Variants in MSI2 observed in about 807,000 individuals in gnomAD.
The protein encoded by MSI2 is musashi RNA binding protein 2.
MSI2 carries 17 observed loss-of-function variants against 45.6 expected under a neutral mutation model. The observed-to-expected ratio is 0.37, with a 90% confidence interval of 0.26 to 0.56. The LOEUF is 0.56. Ranked by LOEUF, MSI2 falls within the 20% of genes least tolerant of loss-of-function variation. MSI2 has a pLI of 0.77. For synonymous variants in MSI2, 156 were observed against 158.2 expected (o/e 0.99, Z 0.11); for missense variants, 293 against 444.2 (o/e 0.66, Z 3.06).
intron 5 of MSI2, among the ~76,000 whole-genome samples, chr17:57,396,883 A>G (rs2083901007): frequency 6.6e-6 from 1 of 152,178 alleles, no homozygotes; most frequent in Non-Finnish European, 1.5e-5. Context: ...GCCTGCTGGG[A>G]GAGGGGGCTG....
intron 10 of MSI2, among the ~76,000 whole-genome samples, chr17:57,637,815 T>C (rs113469393): frequency 5.3e-5 from 8 of 152,314 alleles, no homozygotes; most frequent in African/African-American, 1.9e-4. Flanking sequence ...TATGGCAGGA[T>C]GGCAGCAGCT....
chr17:57,299,384 C>T (rs1911249804), intron 5 of MSI2, among the ~76,000 whole-genome samples: 1 of 152,200 alleles, frequency 6.6e-6, no homozygotes, highest in Non-Finnish European at 1.5e-5. Flanking sequence ...AAATGCCTTC[C>T]TCACTAAGCT....
intron 7 of MSI2, among the ~76,000 whole-genome samples, chr17:57,591,903 G>A (rs776632792): frequency 1.3e-5 from 2 of 151,768 alleles, no homozygotes; most frequent in African/African-American, 4.8e-5. Context: ...TACAATGGCC[G>A]AGCACATTGG....
chr17:57,273,397 G>C (rs1908540033), intron 5 of MSI2, among the ~76,000 whole-genome samples: 1 of 150,898 alleles, frequency 6.6e-6, no homozygotes, highest in African/African-American at 2.4e-5. Flanking sequence ...TTTGATCATT[G>C]TTTTTCCCTG....
chr17:57,321,873 C>T (rs1053871306), intron 5 of MSI2, among the ~76,000 whole-genome samples: 297 of 152,114 alleles, frequency 2.0e-3, no homozygotes, highest in African/African-American at 6.9e-3. Context: ...CTTGGCTCAC[C>T]GCAACCTCTG....
intron 7 of MSI2, among the ~76,000 whole-genome samples, chr17:57,544,514 G>A (rs1226483787): frequency 6.6e-6 from 1 of 152,206 alleles, no homozygotes; most frequent in East Asian, 1.9e-4. Context: ...TCTTGCTGCT[G>A]CCAGGGCAGT....
chr17:57,398,761 A>C (rs1036554249), intron 5 of MSI2, among the ~76,000 whole-genome samples: 1 of 152,244 alleles, frequency 6.6e-6, no homozygotes, highest in African/African-American at 2.4e-5. Context: ...AGTGGATTAC[A>C]TTCCACATTC....
chr17:57,506,248 G>C (rs111695213), intron 6 of MSI2, among the ~76,000 whole-genome samples: 1 of 152,206 alleles, frequency 6.6e-6, no homozygotes. Flanking sequence ...AAAGGCGTGG[G>C]CTCATCTTCC....
intron 6 of MSI2, among the ~76,000 whole-genome samples, chr17:57,462,208 A>G (rs76691960): frequency 0.038 from 5,844 of 152,156 alleles, 339 homozygotes; most frequent in African/African-American, 0.13. Context: ...CCTGGGCCTA[A>G]ATGTCCCCTG....
At chr17:57,360,755 A>T (rs1434299076) in intron 5 of MSI2, among the ~76,000 whole-genome samples, 2 of 152,248 alleles carry the variant, frequency 1.3e-5, no homozygotes, top group East Asian at 3.8e-4. Flanking sequence ...ATTTTGTTCA[A>T]TATTAAAAGT....
At chr17:57,523,708 T>C (rs560433988) in intron 6 of MSI2, 1 of 152,338 alleles carries the variant, frequency 6.6e-6, no homozygotes, top group South Asian at 2.1e-4. Flanking sequence ...CTGTGTTCCA[T>C]GTGGAATGTT....
chr17:57,528,741 A>G (rs1420481828), intron 6 of MSI2, among the ~76,000 whole-genome samples: 6 of 152,158 alleles, frequency 3.9e-5, no homozygotes, highest in Admixed American at 3.9e-4. Flanking sequence ...TAAGGACACC[A>G]GTCATATTGG....
intron 6 of MSI2, among the ~76,000 whole-genome samples, chr17:57,503,486 G>A (rs1417281803): frequency 4.6e-5 from 7 of 152,182 alleles, no homozygotes; most frequent in Non-Finnish European, 8.8e-5. Flanking sequence ...TAAAAAATAA[G>A]AGGTTTTGCA....
intron 7 of MSI2, among the ~76,000 whole-genome samples, chr17:57,576,334 T>C (rs989596802): frequency 2.0e-5 from 3 of 152,224 alleles, no homozygotes; most frequent in Admixed American, 6.5e-5. Flanking sequence ...TACTCTCCAT[T>C]GTATCCTAAA....
chr17:57,576,644 C>T (rs1362928190), intron 7 of MSI2, among the ~76,000 whole-genome samples: 1 of 151,508 alleles, frequency 6.6e-6, no homozygotes, highest in Non-Finnish European at 1.5e-5. Context: ...ATCCCAGCTA[C>T]TTGGGAGTCT....
chr17:57,527,123 C>T (rs975055190), intron 6 of MSI2, among the ~76,000 whole-genome samples: 1 of 152,118 alleles, frequency 6.6e-6, no homozygotes, highest in African/African-American at 2.4e-5. Flanking sequence ...AAAACATGGC[C>T]AGCACAGAAG....
chr17:57,282,554 G>T (rs951835070), intron 5 of MSI2, among the ~76,000 whole-genome samples: 1 of 152,122 alleles, frequency 6.6e-6, no homozygotes, highest in Non-Finnish European at 1.5e-5. Flanking sequence ...AAGTGCCCAG[G>T]TCTCGAGATC....
chr17:57,666,208 T>A (rs1912349902), intron 11 of MSI2, among the ~76,000 whole-genome samples: 1 of 152,200 alleles, frequency 6.6e-6, no homozygotes, highest in African/African-American at 2.4e-5. Context: ...GCAGCATGAT[T>A]TAAAAAGCAT....
Position 57,320,042 on chromosome 17 carries a change from A to T in MSI2, c.312+57850A>T, listed in dbSNP as rs182641888. ...CCTCCTACTTGGCCCTTCCCTTTGC[A>T]TCGTCTCACTCTCAGCTTCTCTGGA... On this transcript the variant is annotated intron_variant, in intron 5 of 13. Coordinates refer to ENST00000284073, the MANE Select transcript of MSI2 (RefSeq NM_138962.4). Among the ~76,000 whole-genome samples the T allele has an allele frequency of 2.1e-3, 315 of 151,740 alleles. 1 individual carries two copies. The highest frequency in any genetic ancestry group is 7.3e-3 in the African/African-American group (301 of 41,326).
Sources: allele counts gnomAD v4.1 joint callset (sites outside exome capture counted in the v4.1 genomes callset), GRCh38; gene constraint gnomAD v4.1.1; transcripts MANE v1.5; gene names NCBI Gene and HGNC (gene_info 2026-07-23, HGNC 2026-07-21).